Variants in SRGAP1 observed in about 807,000 individuals in gnomAD.
SRGAP1 encodes the protein SLIT-ROBO Rho GTPase activating protein 1.
In SRGAP1, 43 loss-of-function variants were observed where a neutral mutation model predicts 121.9. That is an observed-to-expected ratio of 0.35 (90% CI 0.28 to 0.46). The LOEUF is 0.46. Among genes scored for constraint, SRGAP1 ranks in the 20% least tolerant of loss-of-function variants. The pLI, the probability that SRGAP1 is intolerant of heterozygous loss-of-function variation, is 1.00. For missense variants in SRGAP1, 1,102 were observed against 1,350.9 expected, an observed-to-expected ratio of 0.82 and a Z score of 2.89; for synonymous variants, 447 against 485.4, an observed-to-expected ratio of 0.92 and a Z score of 1.04.
intron 3 of SRGAP1, among the ~76,000 whole-genome samples, chr12:63,997,813 A>G (rs2033755448): frequency 6.6e-6 from 1 of 152,024 alleles, no homozygotes; most frequent in Non-Finnish European, 1.5e-5. Context: ...TGGATTATGC[A>G]CTCTTAAGAT....
intron 1 of SRGAP1, among the ~76,000 whole-genome samples, chr12:63,920,050 AG>A (rs1314623011): frequency 6.6e-6 from 1 of 152,222 alleles, no homozygotes; most frequent in Non-Finnish European, 1.5e-5. Context: ...TGGGTATGTC[AG>A]TGTTCAAGTT....
chr12:63,879,352 T>C (rs907253411), intron 1 of SRGAP1: 1 of 152,208 alleles, frequency 6.6e-6, no homozygotes, highest in African/African-American at 2.4e-5. Flanking sequence ...CACCTCTGCA[T>C]ACTTACATAC....
chr12:64,014,977 TG>T (rs759474230), intron 3 of SRGAP1, among the ~76,000 whole-genome samples: 1 of 64,396 alleles, frequency 1.6e-5, no homozygotes, highest in Admixed American at 1.4e-4. Context: ...CCACCACACC[TG>T]GCTAATTTTT....
At chr12:64,004,471 A>G (rs1256910493) in intron 3 of SRGAP1, among the ~76,000 whole-genome samples, 3 of 152,094 alleles carry the variant, frequency 2.0e-5, no homozygotes, top group Non-Finnish European at 2.9e-5. Context: ...TTCCGAGTTC[A>G]AGTGATTCTC....
In SRGAP1 at chr12:63,915,236, G is replaced by A. The variant is rs545269060; in HGVS notation, c.68-68711G>A. Among the ~76,000 whole-genome samples, 9 of 152,292 alleles carry A rather than the reference G, an allele frequency of 5.9e-5. No homozygotes were observed. In the East Asian group the frequency reaches 1.7e-3, roughly 29 times the overall value. ...TAAGCAACATGAAGAGCATCAATCA[G>A]GTTGGACATTTTTATTGTCAATGTT... On this transcript the variant is annotated intron_variant, in intron 1 of 21. Transcript: ENST00000355086.
chr12:63,964,052 G>A (rs934176597), intron 1 of SRGAP1, among the ~76,000 whole-genome samples: 2 of 152,130 alleles, frequency 1.3e-5, no homozygotes, highest in Non-Finnish European at 2.9e-5. Context: ...CTGGGGAAGT[G>A]AGAAAAGAGG....
chr12:63,988,952 A>G (rs1025180395), intron 2 of SRGAP1, among the ~76,000 whole-genome samples: 2 of 152,052 alleles, frequency 1.3e-5, no homozygotes, highest in Non-Finnish European at 2.9e-5. Context: ...CTGGGATTAC[A>G]CGTGCCCATC....
At chr12:63,852,877 C>T (rs1031884734) in intron 1 of SRGAP1, among the ~76,000 whole-genome samples, 1 of 152,052 alleles carries the variant, frequency 6.6e-6, no homozygotes, top group East Asian at 1.9e-4. Context: ...GTCTGTGCAT[C>T]TCCCACACGC....
rs1294851293 is a variant in SRGAP1, at chr12:64,162,156, A to AC, written c.*19485dup. ...CCAAAATTCATTGTGTGATAACTAC[A>AC]CATCTGTAAATATACTAAAAACCAC... On this transcript the variant is annotated 3_prime_UTR_variant, in exon 22 of 22. Transcript: ENST00000355086. 1 of 152,184 alleles carries AC rather than the reference A, an allele frequency of 6.6e-6. No homozygotes were observed. The highest frequency in any genetic ancestry group is 1.5e-5 in the Non-Finnish European group (1 of 68,034). 9.4% of individuals were successfully genotyped at this position (152,184 alleles called of 1,614,324 possible). A position where few individuals can be genotyped will look rare whatever the true frequency, so the allele number is the denominator to read the frequency against.
intron 1 of SRGAP1, among the ~76,000 whole-genome samples, chr12:63,896,063 C>T (rs543548608): frequency 6.6e-6 from 1 of 152,232 alleles, no homozygotes; most frequent in South Asian, 2.1e-4. Flanking sequence ...GCTCTGCCAG[C>T]TCTGCCACAT....
intron 10 of SRGAP1, 45 bp downstream of exon 10, chr12:64,080,415 C>A (rs144154752): frequency 1.5e-6 from 2 of 1,316,350 alleles, no homozygotes; most frequent in Non-Finnish European, 1.1e-6. Context: ...GATGATACAT[C>A]GTATCATGTA....
intron 1 of SRGAP1, among the ~76,000 whole-genome samples, chr12:63,845,852 GA>G (rs1023791082): frequency 2.0e-5 from 3 of 152,172 alleles, no homozygotes; most frequent in Non-Finnish European, 2.9e-5. Context: ...AGTTCATAAA[GA>G]TTGCTATGTA....
At chr12:64,110,374 T>C in intron 16 of SRGAP1, among the ~76,000 whole-genome samples, 1 of 152,336 alleles carries the variant, frequency 6.6e-6, no homozygotes, top group East Asian at 1.9e-4. Context: ...TCTCAAAGAA[T>C]GGCAAATGCA....
At position 64,097,221 on chromosome 12, in the gene SRGAP1, A is replaced by G. The variant is rs1565679703; in HGVS notation, c.1679-20A>G. ...AAAAAGAAGCACTGTTAATGTAATG[A>G]GTTTTTTTTTTTTTTTTAGGTGAAA... is the stretch of plus-strand genomic sequence containing the variant. On this transcript the variant is annotated intron_variant, in intron 14 of 21. Coordinates refer to ENST00000355086, the MANE Select transcript of SRGAP1 (RefSeq NM_020762.4). 1 of 1,349,984 alleles carries G rather than the reference A, an allele frequency of 7.4e-7. No homozygotes were observed. Among genetic ancestry groups the G allele is most frequent in the South Asian group, 1.3e-5 (1 of 77,468 alleles). The allele number at this position is 1,349,984 out of a possible 1,614,324, so 83.6% of individuals were successfully genotyped here. A position where few individuals can be genotyped will look rare whatever the true frequency, so the allele number is the denominator to read the frequency against.
At chr12:63,880,209 A>G (rs921748910) in intron 1 of SRGAP1, among the ~76,000 whole-genome samples, 1 of 152,026 alleles carries the variant, frequency 6.6e-6, no homozygotes, top group Non-Finnish European at 1.5e-5. Context: ...CTCCCCAGCC[A>G]TGTAGAACTG....
At chr12:63,878,532 G>A (rs1900096824) in intron 1 of SRGAP1, among the ~76,000 whole-genome samples, 1 of 152,186 alleles carries the variant, frequency 6.6e-6, no homozygotes, top group African/African-American at 2.4e-5. Context: ...GTGTTTGTGT[G>A]TGTGTAGAGT....
intron 6 of SRGAP1, among the ~76,000 whole-genome samples, chr12:64,060,380 A>G (rs950552433): frequency 4.6e-5 from 7 of 151,408 alleles, no homozygotes; most frequent in Admixed American, 4.6e-4. Flanking sequence ...CTAATTTTTA[A>G]AATTTTTTGT....
At position 64,161,126 on chromosome 12, in the gene SRGAP1, T is replaced by A. The variant is rs995812451; in HGVS notation, c.*18454T>A. The A allele has an allele frequency of 6.6e-6, 1 of 152,218 alleles. No individual in the cohort carries two copies. Among genetic ancestry groups the A allele is most frequent in the South Asian group, 2.1e-4 (1 of 4,834 alleles). The allele number at this position is 152,218 out of a possible 1,614,324, so 9.4% of individuals were successfully genotyped here. On this transcript the variant is annotated 3_prime_UTR_variant, in exon 22 of 22. Coordinates refer to ENST00000355086, the MANE Select transcript of SRGAP1 (RefSeq NM_020762.4). Reference sequence around the variant, plus strand: ...TTTTCCCTGGAGCTTATAATTACTTTTATTTCATTTGCTTAGCTTTCTATG... The same window carrying A: ...TTTTCCCTGGAGCTTATAATTACTTATATTTCATTTGCTTAGCTTTCTATG...
At chr12:64,130,834 C>G (rs181225117) in intron 21 of SRGAP1, among the ~76,000 whole-genome samples, 1 of 152,344 alleles carries the variant, frequency 6.6e-6, no homozygotes, top group East Asian at 1.9e-4. Flanking sequence ...GCAGGATAGG[C>G]AAACCCATAT....
Sources: gnomAD v4.1 joint callset for allele counts (sites outside exome capture counted in the v4.1 genomes callset) on GRCh38, gnomAD v4.1.1 for gene constraint, MANE v1.5 for transcripts, NCBI Gene and HGNC (gene_info 2026-07-23, HGNC 2026-07-21) for gene names.